FRMPD1: variants seen among roughly 807,000 people sequenced by gnomAD.
FRMPD1 encodes FERM and PDZ domain containing 1, also known as FERM and PDZ domain-containing protein 1.
A neutral mutation model predicts 117.8 loss-of-function variants in FRMPD1; 76 were observed. The ratio of observed to expected loss-of-function variants is 0.65; its 90% confidence interval spans 0.54 to 0.78. The LOEUF is 0.78. FRMPD1 is among the 30% of genes least tolerant of loss of function. The pLI is 0.00. For missense variants in FRMPD1, 1,786 were observed against 1,964.5 expected (o/e 0.91, Z 1.72); for synonymous variants, 783 against 770.4 (o/e 1.02, Z -0.27).
At chr9:37,656,566 A>G (rs1403137226) in intron 1 of FRMPD1, among the ~76,000 whole-genome samples, 1 of 152,212 alleles carries the variant, frequency 6.6e-6, no homozygotes, top group Non-Finnish European at 1.5e-5. Context: ...CAGCTATTGT[A>G]GTTGTACTTT....
chr9:37,704,765 T>C (rs920759257), intron 2 of FRMPD1, among the ~76,000 whole-genome samples: 1 of 152,016 alleles, frequency 6.6e-6, no homozygotes, highest in Non-Finnish European at 1.5e-5. Flanking sequence ...ATTTGTCAAG[T>C]TGTTTTTTAA....
chr9:37,608,409 T>C, the FRMPD1 span, among the ~76,000 whole-genome samples: 1 of 151,112 alleles, frequency 6.6e-6, no homozygotes, highest in African/African-American at 2.4e-5. Context: ...TATCTTTCTC[T>C]CTTTCTTTCT....
chr9:37,681,759 C>T (rs1422088574), intron 1 of FRMPD1, among the ~76,000 whole-genome samples: 3 of 152,186 alleles, frequency 2.0e-5, no homozygotes, highest in Non-Finnish European at 2.9e-5. Context: ...CAACAAATCT[C>T]GATTGAGCTG....
chr9:37,690,660 A>G (rs755663898), intron 1 of FRMPD1, among the ~76,000 whole-genome samples: 4 of 152,182 alleles, frequency 2.6e-5, no homozygotes, highest in Non-Finnish European at 4.4e-5. Flanking sequence ...CTCTGGTGCT[A>G]TTCAGTCCTC....
the FRMPD1 span, among the ~76,000 whole-genome samples, chr9:37,642,965 T>G: frequency 0.018 from 2,758 of 152,326 alleles, 87 homozygotes; most frequent in African/African-American, 0.063. Context: ...TTTTAAAGAA[T>G]TCTACTTTGA....
Position 37,719,069 on chromosome 9 carries a change from G to C in FRMPD1, c.409G>C (p.Gly137Arg). 6.3e-7 allele frequency: 1 copy of C among 1,584,150 alleles called. No homozygotes were observed. The highest frequency in any genetic ancestry group is 8.7e-7 in the Non-Finnish European group (1 of 1,152,730). The change falls in exon 6 of 16, where the codon GGA becomes CGA. Residue 137 changes from glycine (G) to arginine (R), a missense_variant and splice_region_variant. Gly to Arg is a moderately radical substitution (Grantham distance 125). Transcript: ENST00000377765. ...LSITVVRCTS[G>R]VPKSSFLTEE... is the part of the protein sequence containing the mutation. ...AATGCATCATGTTACTGTTTTTCAGGGAGTCCCTAAATCGTCCTTCCTGAC... is the reference window on the plus strand; with the variant it reads ...AATGCATCATGTTACTGTTTTTCAGCGAGTCCCTAAATCGTCCTTCCTGAC...
At chr9:37,733,034 C>A (rs1201073973) in intron 10 of FRMPD1, among the ~76,000 whole-genome samples, 1 of 152,160 alleles carries the variant, frequency 6.6e-6, no homozygotes, top group Non-Finnish European at 1.5e-5. Flanking sequence ...GCCTGAGAAT[C>A]TGTAGTTTTA....
Position 37,716,508 on chromosome 9 carries a change from A to C in FRMPD1, c.409-2561A>C, listed in dbSNP as rs558091421. On this transcript the variant is annotated intron_variant, in intron 5 of 15. Transcript: ENST00000377765. ...TTCCTAAGTCTACCCCAGTTCCTTC[A>C]GTTTCCTGCCAGTTGATTTTCTTGA... Among the ~76,000 whole-genome samples, 20 of 152,292 alleles carry C rather than the reference A, an allele frequency of 1.3e-4. No individual in the cohort carries two copies. In the South Asian group the frequency reaches 3.9e-3, roughly 30 times the overall value.
intron 12 of FRMPD1, among the ~76,000 whole-genome samples, chr9:37,734,339 G>A (rs1247149227): frequency 6.6e-6 from 1 of 152,194 alleles, no homozygotes; most frequent in Non-Finnish European, 1.5e-5. Flanking sequence ...AGAAAAATAA[G>A]AGTGTTTGAC....
intron 15 of FRMPD1, among the ~76,000 whole-genome samples, chr9:37,743,061 G>A (rs1233547354): frequency 6.6e-6 from 1 of 152,216 alleles, no homozygotes; most frequent in Non-Finnish European, 1.5e-5. Flanking sequence ...CAAGCTCTCT[G>A]ATTCTCAAGT....
Position 37,692,650 on chromosome 9 carries a change from G to A in FRMPD1, c.9G>A (p.Glu3=). The change falls in exon 2 of 16, where the codon GAG becomes GAA. Residue 3 remains glutamate, a synonymous_variant. Coordinates refer to ENST00000377765, the MANE Select transcript of FRMPD1 (RefSeq NM_014907.3). ME[E]LETSLFQTRK... ...TTCTTCCTTTTAGGTAAATGGAAGA[G>A]CTGGAGACCAGTTTATTCCAGACAC... 1 of 1,608,912 alleles carries A rather than the reference G, an allele frequency of 6.2e-7. No homozygotes were observed. Among genetic ancestry groups the A allele is most frequent in the Non-Finnish European group, 8.5e-7 (1 of 1,175,220 alleles).
intron 1 of FRMPD1, among the ~76,000 whole-genome samples, chr9:37,680,285 T>C (rs1821681333): frequency 6.6e-6 from 1 of 152,198 alleles, no homozygotes. Context: ...TGAACTAGTG[T>C]TCCCGAAGGC....
chr9:37,639,985 GT>G, the FRMPD1 span, among the ~76,000 whole-genome samples: 2 of 152,346 alleles, frequency 1.3e-5, no homozygotes, highest in South Asian at 4.1e-4. Flanking sequence ...ACAGAACTCA[GT>G]CAGGCCAAGT....
At chr9:37,624,263 C>G in the FRMPD1 span, among the ~76,000 whole-genome samples, 1 of 152,222 alleles carries the variant, frequency 6.6e-6, no homozygotes, top group African/African-American at 2.4e-5. Flanking sequence ...CCTTTATTCT[C>G]CTGCTAGTTC....
At chr9:37,665,546 TC>T (rs1821136352) in intron 1 of FRMPD1, among the ~76,000 whole-genome samples, 2 of 152,198 alleles carry the variant, frequency 1.3e-5, no homozygotes, top group African/African-American at 4.8e-5. Flanking sequence ...TGATTTTTTT[TC>T]CCCTTGAACT....
the FRMPD1 span, among the ~76,000 whole-genome samples, chr9:37,615,428 C>G: frequency 6.6e-6 from 1 of 151,950 alleles, no homozygotes; most frequent in Non-Finnish European, 1.5e-5. Flanking sequence ...TTTCTTAGCT[C>G]GTCAACCTCG....
At position 37,728,962 on chromosome 9, in the gene FRMPD1, CAA is replaced by C. The variant is rs34287255; in HGVS notation, c.613-750_613-749del. Among the ~76,000 whole-genome samples the C allele has an allele frequency of 2.9e-3, 316 of 109,580 alleles. 1 individual carries two copies. The highest frequency in any genetic ancestry group is 6.6e-3 in the African/African-American group (185 of 28,120). The allele number at this position is 109,580 out of a possible 152,430, so 71.9% of individuals were successfully genotyped here. A position where few individuals can be genotyped will look rare whatever the true frequency, so the allele number is the denominator to read the frequency against. Reference sequence around the variant, plus strand: ...TGGGCGACAGAGCGAGATTCCGTCTCAAAAAAAAAAAAAAAAAGTTTCACTCA... The same window carrying C: ...TGGGCGACAGAGCGAGATTCCGTCTCAAAAAAAAAAAAAAAGTTTCACTCA... On this transcript the variant is annotated intron_variant, in intron 7 of 15. Transcript: ENST00000377765.
the FRMPD1 span, among the ~76,000 whole-genome samples, chr9:37,645,682 T>C: frequency 3.3e-5 from 5 of 152,352 alleles, no homozygotes; most frequent in African/African-American, 1.2e-4. Context: ...CAATTCATTT[T>C]TAAGAAGTGA....
At chr9:37,606,712 G>A in the FRMPD1 span, among the ~76,000 whole-genome samples, 3 of 152,196 alleles carry the variant, frequency 2.0e-5, no homozygotes, top group African/African-American at 7.2e-5. Flanking sequence ...AACAGATACA[G>A]GATAGAAATT....
Sources: gnomAD v4.1 joint callset for allele counts (sites outside exome capture counted in the v4.1 genomes callset) on GRCh38, gnomAD v4.1.1 for gene constraint, MANE v1.5 for transcripts, NCBI Gene and HGNC (gene_info 2026-07-23, HGNC 2026-07-21) for gene names.